ASIC2: variants seen among roughly 807,000 people sequenced by gnomAD.
ASIC2 encodes the protein acid-sensing ion channel 2.
ASIC2 carries 25 observed loss-of-function variants against 57.3 expected under a neutral mutation model. That is an observed-to-expected ratio of 0.44 (90% confidence interval 0.32 to 0.61). The LOEUF is 0.61. Among genes scored for constraint, ASIC2 ranks in the 20% least tolerant of loss-of-function variants. ASIC2 has a pLI of 0.06. For synonymous variants in ASIC2, 319 were observed against 307.5 expected, an observed-to-expected ratio of 1.04 and a Z score of -0.39; for missense variants, 641 against 738.1, an observed-to-expected ratio of 0.87 and a Z score of 1.52.
At chr17:33,927,544 T>C (rs1013221242) in intron 1 of ASIC2, among the ~76,000 whole-genome samples, 22 of 152,222 alleles carry the variant, frequency 1.4e-4, no homozygotes, top group African/African-American at 5.3e-4. Flanking sequence ...AGACACCTGA[T>C]CTGCTGCTGC....
intron 1 of ASIC2, chr17:34,036,896 A>G (rs1266892061): frequency 6.6e-6 from 1 of 152,404 alleles, no homozygotes; most frequent in Admixed American, 6.6e-5. Context: ...TTTTTTCCCT[A>G]CTGAGATGAG....
chr17:33,164,562 A>G (rs1905251172), intron 1 of ASIC2, among the ~76,000 whole-genome samples: 1 of 135,094 alleles, frequency 7.4e-6, no homozygotes, highest in Non-Finnish European at 1.6e-5. Flanking sequence ...CAGCTGTCCC[A>G]AAAGCACATG....
At chr17:33,773,044 A>G (rs922277537) in intron 1 of ASIC2, among the ~76,000 whole-genome samples, 2 of 152,236 alleles carry the variant, frequency 1.3e-5, no homozygotes, top group African/African-American at 4.8e-5. Flanking sequence ...GGTACACACA[A>G]GTCACATATT....
rs967417619 is a variant in ASIC2 at position 33,286,768 on chromosome 17, G to A, written c.708+4640C>T. Among the ~76,000 whole-genome samples the A allele has an allele frequency of 3.3e-5, 5 of 152,088 alleles. 1 individual carries two copies. In the South Asian group the frequency reaches 6.2e-4, roughly 19 times the overall value. ...TGGAGCCCACACAGCACCTCTGTACGCTCCTGGTATCTATTCACACACCTC... is the reference window on the plus strand; with the variant it reads ...TGGAGCCCACACAGCACCTCTGTACACTCCTGGTATCTATTCACACACCTC... On this transcript the variant is annotated intron_variant, in intron 1 of 9. Coordinates refer to ENST00000225823, the MANE Select transcript of ASIC2 (RefSeq NM_183377.2).
chr17:33,749,141 A>C (rs753892324), intron 1 of ASIC2, among the ~76,000 whole-genome samples: 29 of 152,134 alleles, frequency 1.9e-4, no homozygotes, highest in Non-Finnish European at 2.4e-4. Flanking sequence ...GTTGGGGTGC[A>C]AGAGCACAGC....
intron 1 of ASIC2, among the ~76,000 whole-genome samples, chr17:33,509,669 A>G (rs754794149): frequency 1.3e-5 from 2 of 152,244 alleles, no homozygotes; most frequent in Non-Finnish European, 2.9e-5. Context: ...CAGAGAGAAG[A>G]CTTAAGGTGA....
chr17:33,325,291 A>C (rs1907030779), intron 1 of ASIC2, among the ~76,000 whole-genome samples: 1 of 152,178 alleles, frequency 6.6e-6, no homozygotes, highest in African/African-American at 2.4e-5. Flanking sequence ...GCACAACACA[A>C]GGTGACCTAA....
intron 1 of ASIC2, among the ~76,000 whole-genome samples, chr17:33,900,800 G>A (rs1285360084): frequency 6.6e-6 from 1 of 152,192 alleles, no homozygotes; most frequent in Non-Finnish European, 1.5e-5. Flanking sequence ...TGTCATATGA[G>A]CTGTGCTGTG....
chr17:33,522,769 A>G (rs1457597670), intron 1 of ASIC2, among the ~76,000 whole-genome samples: 5 of 152,232 alleles, frequency 3.3e-5, no homozygotes, highest in Non-Finnish European at 7.3e-5. Flanking sequence ...TTGCGGTGCC[A>G]TGAATTCCCA....
At chr17:33,707,125 A>G (rs1908887393) in intron 1 of ASIC2, among the ~76,000 whole-genome samples, 1 of 152,156 alleles carries the variant, frequency 6.6e-6, no homozygotes, top group Non-Finnish European at 1.5e-5. Flanking sequence ...GATAATTTTA[A>G]TGCTTTTGTT....
chr17:33,543,516 C>T (rs978667960), intron 1 of ASIC2, among the ~76,000 whole-genome samples: 10 of 152,130 alleles, frequency 6.6e-5, no homozygotes, highest in Non-Finnish European at 1.5e-4. Context: ...ATAGTTTTGA[C>T]CAGAATGTTG....
intron 1 of ASIC2, among the ~76,000 whole-genome samples, chr17:34,140,399 C>A (rs1912241361): frequency 6.6e-6 from 1 of 152,158 alleles, no homozygotes; most frequent in South Asian, 2.1e-4. Flanking sequence ...GTAGATGTAA[C>A]TATCCTAGCT....
chr17:33,988,397 C>A (rs1273800794), intron 1 of ASIC2, among the ~76,000 whole-genome samples: 1 of 152,200 alleles, frequency 6.6e-6, no homozygotes, highest in African/African-American at 2.4e-5. Context: ...AGTTCCCCTG[C>A]ACAAGCTCTC....
chr17:33,539,613 A>C (rs1483749120), intron 1 of ASIC2, among the ~76,000 whole-genome samples: 1 of 152,194 alleles, frequency 6.6e-6, no homozygotes, highest in African/African-American at 2.4e-5. Context: ...AGACACCAAT[A>C]ATTAAAACCC....
At chr17:33,872,797 T>A (rs936442756) in intron 1 of ASIC2, among the ~76,000 whole-genome samples, 6 of 152,154 alleles carry the variant, frequency 3.9e-5, no homozygotes, top group Admixed American at 2.6e-4. Context: ...ACATTAAGTA[T>A]GGATCTGACC....
At chr17:33,589,922 T>C (rs759552728) in intron 1 of ASIC2, among the ~76,000 whole-genome samples, 2 of 152,192 alleles carry the variant, frequency 1.3e-5, no homozygotes, top group African/African-American at 2.4e-5. Flanking sequence ...AACTGAATTT[T>C]GAAGGCTAAG....
intron 1 of ASIC2, among the ~76,000 whole-genome samples, chr17:33,200,586 C>T (rs1419145078): frequency 1.3e-5 from 2 of 152,204 alleles, no homozygotes; most frequent in Admixed American, 6.5e-5. Flanking sequence ...CTGTTACTTC[C>T]CTTACATCCT....
intron 1 of ASIC2, chr17:34,039,960 C>A (rs1006545056): frequency 6.8e-5 from 78 of 1,149,038 alleles, no homozygotes; most frequent in Non-Finnish European, 8.6e-5. Flanking sequence ...CCGCTCTCCC[C>A]CTGGGCAGGC....
At chr17:33,207,253 G>A (rs73279774) in intron 1 of ASIC2, among the ~76,000 whole-genome samples, 3,690 of 152,288 alleles carry the variant, frequency 0.024, 143 homozygotes, top group African/African-American at 0.084. Context: ...CTCATTCTTT[G>A]TTTCATTTAA....
Sources: allele counts gnomAD v4.1 joint callset (sites outside exome capture counted in the v4.1 genomes callset), GRCh38; gene constraint gnomAD v4.1.1; transcripts MANE v1.5; gene names NCBI Gene and HGNC (gene_info 2026-07-23, HGNC 2026-07-21).